Variants in PRKN observed in about 807,000 individuals in gnomAD.
The protein encoded by PRKN is E3 ubiquitin-protein ligase parkin.
In PRKN, 56 loss-of-function variants were observed where a neutral mutation model predicts 59.5. That is an observed-to-expected ratio of 0.94 (90% CI 0.76 to 1.18). The LOEUF (loss-of-function observed/expected upper bound fraction) is 1.18. PRKN is among the 50% of genes most tolerant of loss of function. PRKN has a pLI of 0.00. For missense variants in PRKN, 657 were observed against 596.4 expected, an observed-to-expected ratio of 1.10 and a Z score of -1.06; for synonymous variants, 250 against 222.1, an observed-to-expected ratio of 1.13 and a Z score of -1.12.
At chr6:162,375,099 C>G (rs10945822) in intron 2 of PRKN, among the ~76,000 whole-genome samples, 40,187 of 151,848 alleles carry the variant, frequency 0.26, 5,533 homozygotes, top group African/African-American at 0.3. Context: ...AGTAGAATTT[C>G]TTATGGAGTC....
intron 7 of PRKN, among the ~76,000 whole-genome samples, chr6:161,690,719 G>A (rs1192585774): frequency 6.6e-6 from 1 of 152,076 alleles, no homozygotes; most frequent in East Asian, 1.9e-4. Flanking sequence ...GACCTCTTGA[G>A]CTGGGACATC....
chr6:161,514,441 G>A (rs1319197683), intron 9 of PRKN, among the ~76,000 whole-genome samples: 1 of 151,944 alleles, frequency 6.6e-6, no homozygotes, highest in African/African-American at 2.4e-5. Context: ...GGAGTGATAG[G>A]GGTTATGGGG....
intron 1 of PRKN, among the ~76,000 whole-genome samples, chr6:162,535,700 GGAGTTT>G (rs1778688781): frequency 6.6e-6 from 1 of 151,982 alleles, no homozygotes; most frequent in Admixed American, 6.6e-5. Flanking sequence ...CTTGAGCTCA[GGAGTTT>G]GAGACCAGCC....
At chr6:162,217,912 C>T (rs771441492) in intron 3 of PRKN, among the ~76,000 whole-genome samples, 26 of 152,254 alleles carry the variant, frequency 1.7e-4, no homozygotes, top group Admixed American at 4.6e-4. Context: ...ATCTATCCGA[C>T]TTCTAAGTAG....
intron 6 of PRKN, among the ~76,000 whole-genome samples, chr6:161,963,816 T>C (rs145643380): frequency 5.9e-5 from 9 of 152,344 alleles, no homozygotes; most frequent in African/African-American, 1.9e-4. Flanking sequence ...TGATGCAAAG[T>C]CTTGTGCTGG....
In PRKN at chr6:161,766,314, A is replaced by ATTTTTTTTTTTTTTTTTTTTTTTTTTT. The variant is rs758294050; in HGVS notation, c.871+19457_871+19458insAAAAAAAAAAAAAAAAAAAAAAAAAAA. Among the ~76,000 whole-genome samples, 103 of 139,616 alleles carry ATTTTTTTTTTTTTTTTTTTTTTTTTTT rather than the reference A, an allele frequency of 7.4e-4. 1 individual carries two copies. In the Middle Eastern group the frequency reaches 0.012, roughly 16 times the overall value. The allele number at this position is 139,616 out of a possible 152,430, so 91.6% of individuals were successfully genotyped here. ...ACTTATGCCTGCTGTCATTGACCAC[A>ATTTTTTTTTTTTTTTTTTTTTTTTTTT]TTTTTTTTTTTTTAGACAGAGTCTC... On this transcript the variant is annotated intron_variant, in intron 7 of 11. Transcript: ENST00000366898.
At chr6:162,520,036 G>C (rs1778023428) in intron 1 of PRKN, among the ~76,000 whole-genome samples, 1 of 152,124 alleles carries the variant, frequency 6.6e-6, no homozygotes, top group African/African-American at 2.4e-5. Context: ...GACTGCTTGA[G>C]ACCAGGAGTT....
chr6:162,613,535 T>C (rs896033387), intron 1 of PRKN, among the ~76,000 whole-genome samples: 4 of 152,140 alleles, frequency 2.6e-5, no homozygotes, highest in Non-Finnish European at 4.4e-5. Flanking sequence ...GCCTGTAGAG[T>C]ATAACCAAGA....
At chr6:162,703,311 A>G (rs570234286) in intron 1 of PRKN, among the ~76,000 whole-genome samples, 1 of 152,358 alleles carries the variant, frequency 6.6e-6, no homozygotes, top group Non-Finnish European at 1.5e-5. Flanking sequence ...TACATGTAAA[A>G]TATGTATAAA....
chr6:162,458,923 G>A (rs1389912585), intron 1 of PRKN, among the ~76,000 whole-genome samples: 2 of 151,970 alleles, frequency 1.3e-5, no homozygotes, highest in Non-Finnish European at 2.9e-5. Context: ...CAGGCTCAAG[G>A]GATTCTCCTG....
chr6:161,479,337 C>A (rs1436367907), intron 9 of PRKN, among the ~76,000 whole-genome samples: 1 of 152,128 alleles, frequency 6.6e-6, no homozygotes, highest in African/African-American at 2.4e-5. Context: ...GGGTATGTAT[C>A]CTAAAATGCC....
intron 7 of PRKN, among the ~76,000 whole-genome samples, chr6:161,639,940 A>G (rs887396482): frequency 3.9e-5 from 6 of 152,066 alleles, no homozygotes. Flanking sequence ...CTTCTAGTAA[A>G]ATTCTTTCCC....
chr6:162,565,702 ATAC>A (rs1562390952), intron 1 of PRKN, among the ~76,000 whole-genome samples: 14 of 67,204 alleles, frequency 2.1e-4, no homozygotes, highest in African/African-American at 1.0e-3. Context: ...AAATAAATAC[ATAC>A]ATACATACAT....
chr6:162,269,767 T>G (rs558695005), intron 2 of PRKN: 1 of 152,266 alleles, frequency 6.6e-6, no homozygotes, highest in African/African-American at 2.4e-5. Flanking sequence ...ACATATGAAA[T>G]AATGTTTAAT....
chr6:161,506,725 A>G (rs1778186727), intron 9 of PRKN, among the ~76,000 whole-genome samples: 1 of 152,222 alleles, frequency 6.6e-6, no homozygotes, highest in African/African-American at 2.4e-5. Flanking sequence ...CCAGTGCTCA[A>G]TAATGCTAAC....
At chr6:162,600,240 C>T (rs1053506510) in intron 1 of PRKN, among the ~76,000 whole-genome samples, 18 of 152,108 alleles carry the variant, frequency 1.2e-4, no homozygotes, top group African/African-American at 4.1e-4. Context: ...GTGGTATACT[C>T]GTGTTCAGTT....
rs1489367467 is a variant in PRKN at position 161,771,379 on chromosome 6, A to G, written c.871+14393T>C. On this transcript the variant is annotated intron_variant, in intron 7 of 11. Transcript: ENST00000366898. ...TCAAAAAAAAAAAAAAAATAAAATAAAATAAAATAAAATAAAATAAAAGCA... is the reference window on the plus strand; with the variant it reads ...TCAAAAAAAAAAAAAAAATAAAATAGAATAAAATAAAATAAAATAAAAGCA... 6.7e-3 allele frequency among the ~76,000 whole-genome samples: 925 copies of G among 137,332 alleles called. 9 individuals carry two copies. Among genetic ancestry groups the G allele is most frequent in the African/African-American group, 0.028 (877 of 31,678 alleles). 90.1% of individuals were successfully genotyped at this position (137,332 alleles called of 152,430 possible). A position where few individuals can be genotyped will look rare whatever the true frequency, so the allele number is the denominator to read the frequency against.
intron 7 of PRKN, among the ~76,000 whole-genome samples, chr6:161,757,871 C>CTCTCTCTGTGTG (rs1380898753): frequency 1.0e-5 from 1 of 97,982 alleles, no homozygotes; most frequent in African/African-American, 4.5e-5. Flanking sequence ...CTCTCTCTCT[C>CTCTCTCTGTGTG]TGTGTATATA....
At chr6:162,299,197 G>A (rs1172632256) in intron 2 of PRKN, among the ~76,000 whole-genome samples, 5 of 152,310 alleles carry the variant, frequency 3.3e-5, no homozygotes, top group African/African-American at 1.2e-4. Context: ...CCTTCGGGCA[G>A]ACAGAGACAC....
Sources: gnomAD v4.1 joint callset for allele counts (sites outside exome capture counted in the v4.1 genomes callset) on GRCh38, gnomAD v4.1.1 for gene constraint, MANE v1.5 for transcripts, NCBI Gene and HGNC (gene_info 2026-07-23, HGNC 2026-07-21) for gene names.